The following SLC35F1 variants were observed in gnomAD, a reference collection of about 807,000 sequenced individuals.
The protein encoded by SLC35F1 is solute carrier family 35 member F1.
SLC35F1 carries 14 observed loss-of-function variants against 48.7 expected under a neutral mutation model. The observed-to-expected ratio is 0.29, with a 90% confidence interval of 0.19 to 0.45. The LOEUF is 0.45. Ranked by LOEUF, SLC35F1 falls within the 20% of genes least tolerant of loss-of-function variation. The probability of loss-of-function intolerance (pLI) is 1.00; values close to 1 mark genes in which losing one functional copy is unlikely to be tolerated. For synonymous variants in SLC35F1, 190 were observed against 202.2 expected, an observed-to-expected ratio of 0.94 and a Z score of 0.51; for missense variants, 404 against 500.0, an observed-to-expected ratio of 0.81 and a Z score of 1.83.
intron 2 of SLC35F1, among the ~76,000 whole-genome samples, chr6:118,157,302 T>C (rs991901933): frequency 1.3e-5 from 2 of 152,102 alleles, no homozygotes; most frequent in Admixed American, 1.3e-4. Context: ...GAGAGGTTTT[T>C]TTCCTTTGAA....
intron 1 of SLC35F1, among the ~76,000 whole-genome samples, chr6:117,964,860 G>A (rs895787773): frequency 3.9e-5 from 6 of 152,182 alleles, no homozygotes; most frequent in East Asian, 1.9e-4. Flanking sequence ...CAGAGGAGAC[G>A]GGAGGTCAGT....
At chr6:118,023,401 G>T (rs972243279) in intron 1 of SLC35F1, among the ~76,000 whole-genome samples, 5 of 152,184 alleles carry the variant, frequency 3.3e-5, no homozygotes, top group African/African-American at 1.2e-4. Flanking sequence ...TGTGAAGCTG[G>T]TTTGGCAATA....
chr6:118,108,521 T>A (rs1256019932), intron 1 of SLC35F1, among the ~76,000 whole-genome samples: 2 of 152,194 alleles, frequency 1.3e-5, no homozygotes, highest in African/African-American at 4.8e-5. Context: ...TTCAAAAATG[T>A]TAAAAGTACT....
At chr6:118,177,311 C>T (rs1774504667) in intron 2 of SLC35F1, among the ~76,000 whole-genome samples, 1 of 152,104 alleles carries the variant, frequency 6.6e-6, no homozygotes. Context: ...GACCAAACTT[C>T]ATCTTTTCTG....
At chr6:117,981,861 C>T (rs1341248686) in intron 1 of SLC35F1, among the ~76,000 whole-genome samples, 2 of 152,052 alleles carry the variant, frequency 1.3e-5, no homozygotes, top group Non-Finnish European at 2.9e-5. Flanking sequence ...ATTGTTTTTA[C>T]ATTGCCTTTT....
intron 1 of SLC35F1, among the ~76,000 whole-genome samples, chr6:118,064,199 T>A (rs1482734147): frequency 6.6e-6 from 1 of 152,098 alleles, no homozygotes; most frequent in African/African-American, 2.4e-5. Context: ...TTCACTACCA[T>A]GAGAACAGCA....
At chr6:118,197,222 T>TC (rs1774814160) in intron 2 of SLC35F1, among the ~76,000 whole-genome samples, 3 of 152,100 alleles carry the variant, frequency 2.0e-5, no homozygotes, top group Admixed American at 2.0e-4. Flanking sequence ...TTTCTTTACT[T>TC]CCCCCCTTCC....
intron 2 of SLC35F1, among the ~76,000 whole-genome samples, chr6:118,160,423 G>A (rs1774213016): frequency 6.6e-6 from 1 of 152,166 alleles, no homozygotes; most frequent in South Asian, 2.1e-4. Context: ...ATTGAATCAT[G>A]TATCTGTTTC....
At chr6:117,998,863 G>T (rs1277519259) in intron 1 of SLC35F1, 2 of 609,240 alleles carry the variant, frequency 3.3e-6, no homozygotes, top group Admixed American at 2.7e-5. Flanking sequence ...ACAATTAAAA[G>T]AACTAGAAAA....
chr6:118,209,655 A>G (rs951725830), intron 2 of SLC35F1, among the ~76,000 whole-genome samples: 1 of 152,074 alleles, frequency 6.6e-6, no homozygotes, highest in Non-Finnish European at 1.5e-5. Context: ...TTAATATTAT[A>G]TTAAAGATTA....
chr6:118,225,715 T>C lies in SLC35F1; in HGVS notation c.350-9794T>C, dbSNP rs1022112053. On this transcript the variant is annotated intron_variant, in intron 2 of 7. Coordinates refer to ENST00000360388, the MANE Select transcript of SLC35F1 (RefSeq NM_001029858.4). ...GGTGAAACCCCGTCTCTACTAAAAA[T>C]ACAAAAAAAATTTAGCTGGGTGTAG... is the stretch of plus-strand genomic sequence containing the variant. 3.1e-4 allele frequency among the ~76,000 whole-genome samples: 7 copies of C among 22,440 alleles called. No individual in the cohort carries two copies. In the East Asian group the frequency reaches 0.02, roughly 65 times the overall value. The allele number at this position is 22,440 out of a possible 152,430, so 14.7% of individuals were successfully genotyped here. A position where few individuals can be genotyped will look rare whatever the true frequency, so the allele number is the denominator to read the frequency against.
intron 2 of SLC35F1, among the ~76,000 whole-genome samples, chr6:118,172,371 A>T (rs958496273): frequency 6.6e-6 from 1 of 152,098 alleles, no homozygotes; most frequent in Non-Finnish European, 1.5e-5. Flanking sequence ...TCTATAACCT[A>T]ATGTCACCTA....
At chr6:118,230,232 C>A (rs548535238) in intron 2 of SLC35F1, among the ~76,000 whole-genome samples, 5 of 151,742 alleles carry the variant, frequency 3.3e-5, no homozygotes, top group African/African-American at 7.3e-5. Flanking sequence ...CCCAGCCACT[C>A]GGGAGGCTGA....
intron 3 of SLC35F1, among the ~76,000 whole-genome samples, chr6:118,254,061 A>T (rs1379892859): frequency 2.0e-5 from 3 of 152,030 alleles, no homozygotes; most frequent in Non-Finnish European, 1.5e-5. Context: ...GGACGGCTCC[A>T]AAGAACAAAG....
At chr6:118,233,528 A>G (rs375371181) in intron 2 of SLC35F1, among the ~76,000 whole-genome samples, 2 of 152,204 alleles carry the variant, frequency 1.3e-5, no homozygotes, top group Admixed American at 1.3e-4. Flanking sequence ...TTCAGACAGT[A>G]TTTCACTTTT....
intron 1 of SLC35F1, among the ~76,000 whole-genome samples, chr6:118,053,559 CAT>C (rs1200259718): frequency 2.6e-5 from 4 of 152,204 alleles, no homozygotes; most frequent in Admixed American, 6.5e-5. Flanking sequence ...TCTCTCTCCA[CAT>C]GTTTATTTCA....
chr6:118,089,420 A>G (rs1162750436), intron 1 of SLC35F1, among the ~76,000 whole-genome samples: 3 of 152,224 alleles, frequency 2.0e-5, no homozygotes, highest in Admixed American at 1.3e-4. Flanking sequence ...GTCATTCAGC[A>G]TCTATGAGCC....
At chr6:118,080,275 C>CT (rs1772886147) in intron 1 of SLC35F1, among the ~76,000 whole-genome samples, 1 of 152,150 alleles carries the variant, frequency 6.6e-6, no homozygotes. Flanking sequence ...GTCAGCTTCT[C>CT]TTTTTTTGCT....
At chr6:118,067,412 C>T (rs1772631443) in intron 1 of SLC35F1, among the ~76,000 whole-genome samples, 1 of 152,044 alleles carries the variant, frequency 6.6e-6, no homozygotes, top group African/African-American at 2.4e-5. Flanking sequence ...GGTGATATTG[C>T]CCAGGGAGAG....
Sources: gnomAD v4.1 joint callset for allele counts (sites outside exome capture counted in the v4.1 genomes callset) on GRCh38, gnomAD v4.1.1 for gene constraint, MANE v1.5 for transcripts, NCBI Gene and HGNC (gene_info 2026-07-23, HGNC 2026-07-21) for gene names.